MARCOL: variants seen among roughly 807,000 people sequenced by gnomAD.
The protein encoded by MARCOL is MARCO like, also known as MARCO-like protein.
chr5:148,242,404 T>C lies in MARCOL; in HGVS notation c.50-42T>C, dbSNP rs142624291. 1,115 of 397,470 alleles carry C rather than the reference T, an allele frequency of 2.8e-3. 17 individuals carry two copies. The highest frequency in any genetic ancestry group is 0.021 in the African/African-American group (1,021 of 48,698). The allele number at this position is 397,470 out of a possible 1,614,324, so 24.6% of individuals were successfully genotyped here. ...TTGATTTAAAATTATTTAATGTATA[T>C]AACTTTATTTTCATTTTTTTCTGGT... is the stretch of plus-strand genomic sequence containing the variant. On this transcript the variant is annotated intron_variant, in intron 1 of 1. Transcript: ENST00000638089.
chr5:148,241,707 T>G (rs1175322183), intron 1 of MARCOL, among the ~76,000 whole-genome samples: 1 of 152,054 alleles, frequency 6.6e-6, no homozygotes, highest in Admixed American at 6.6e-5. Context: ...AGGGCATAGG[T>G]GGGCTTCCAA....
chr5:148,241,733 C>T (rs1755968250), intron 1 of MARCOL, among the ~76,000 whole-genome samples: 1 of 151,940 alleles, frequency 6.6e-6, no homozygotes, highest in African/African-American at 2.4e-5. Context: ...GTTGGAGAAG[C>T]TATAAAACAC....
chr5:148,243,277 T>A lies in MARCOL; in HGVS notation c.*23T>A, dbSNP rs1431369974. On this transcript the variant is annotated 3_prime_UTR_variant, in exon 2 of 2. Coordinates refer to ENST00000638089, the MANE Select transcript of MARCOL (RefSeq NM_001363511.2). Reference sequence around the variant, plus strand: ...TGATTATCTAGCCAGCAAGGGAATATAGGATCTCCTAGCCAACAGGAGAAG... The same window carrying A: ...TGATTATCTAGCCAGCAAGGGAATAAAGGATCTCCTAGCCAACAGGAGAAG... The A allele has an allele frequency of 5.0e-6, 2 of 398,244 alleles. No individual in the cohort carries two copies. The highest frequency in any genetic ancestry group is 4.4e-5 in the Admixed American group (1 of 22,664). 24.7% of individuals were successfully genotyped at this position (398,244 alleles called of 1,614,324 possible).
intron 1 of MARCOL, among the ~76,000 whole-genome samples, chr5:148,240,300 G>GAGAA (rs1755949866): frequency 6.6e-6 from 1 of 151,818 alleles, no homozygotes; most frequent in South Asian, 2.1e-4. Context: ...TCATTATATT[G>GAGAA]ATTGTCCTTG....
chr5:148,241,601 T>G (rs1755966975), intron 1 of MARCOL, among the ~76,000 whole-genome samples: 1 of 151,814 alleles, frequency 6.6e-6, no homozygotes, highest in Non-Finnish European at 1.5e-5. Flanking sequence ...TGATTCCATT[T>G]GCTTATTTAT....
intron 1 of MARCOL, among the ~76,000 whole-genome samples, chr5:148,239,826 A>G (rs1452095324): frequency 6.6e-6 from 1 of 151,884 alleles, no homozygotes; most frequent in African/African-American, 2.4e-5. Context: ...TAAGTGCTAG[A>G]AGGTATTTTG....
At chr5:148,240,159 G>A (rs1028830953) in intron 1 of MARCOL, among the ~76,000 whole-genome samples, 36 of 151,674 alleles carry the variant, frequency 2.4e-4, no homozygotes, top group African/African-American at 8.7e-4. Flanking sequence ...GCAAAAGAGG[G>A]AAATAAACTA....
intron 1 of MARCOL, 90 bp from the exon 2 acceptor site, chr5:148,242,356 T>C (rs1340379743): frequency 7.6e-6 from 3 of 395,182 alleles, no homozygotes; most frequent in Non-Finnish European, 1.3e-5. Flanking sequence ...ATTAAAAACA[T>C]ACTATATCTT....
Position 148,243,347 on chromosome 5 carries a change from T to TCAAGGGAAGCCAGTGTCATCTAGCCAA in MARCOL, c.*134_*160dup. 5.1e-6 allele frequency: 2 copies of TCAAGGGAAGCCAGTGTCATCTAGCCAA among 388,430 alleles called. No homozygotes were observed. Among genetic ancestry groups the TCAAGGGAAGCCAGTGTCATCTAGCCAA allele is most frequent in the Middle Eastern group, 6.7e-4 (1 of 1,498 alleles). 24.1% of individuals were successfully genotyped at this position (388,430 alleles called of 1,614,324 possible). ...AAGGGAATCTAGGGTCATCTAGCTATCAAGGGAAGCCAGTGTCATCTAGCC... is the reference window on the plus strand; with the variant it reads ...AAGGGAATCTAGGGTCATCTAGCTATCAAGGGAAGCCAGTGTCATCTAGCCAACAAGGGAAGCCAGTGTCATCTAGCC... On this transcript the variant is annotated 3_prime_UTR_variant, in exon 2 of 2. Transcript: ENST00000638089.
Position 148,242,547 on chromosome 5 carries a change from G to T in MARCOL, c.151G>T (p.Gly51Ter). Residue 51 changes from glycine to a stop codon, truncating the protein, a stop_gained, in exon 2 of 2, where the codon GGA (glycine) becomes TGA (stop). Transcript: ENST00000638089. LOFTEE classifies it low-confidence loss of function (END_TRUNC). ...EEKNEANHLG[G>*]QRDSNKQGGS... ...AAAAAATGAAGCTAACCATCTAGGA[G>T]GACAAAGAGATTCTAATAAGCAAGG... The T allele has an allele frequency of 2.5e-6, 1 of 398,254 alleles. No homozygotes were observed. Among genetic ancestry groups the T allele is most frequent in the Non-Finnish European group, 4.4e-6 (1 of 225,894 alleles). The allele number at this position is 398,254 out of a possible 1,614,324, so 24.7% of individuals were successfully genotyped here. A position where few individuals can be genotyped will look rare whatever the true frequency, so the allele number is the denominator to read the frequency against.
chr5:148,243,347 TCAAGGGAAGCCAGTGTCATCTAGCCAA>T lies in MARCOL; in HGVS notation c.*134_*160del, dbSNP rs1755990412. 3.3e-5 allele frequency: 13 copies of T among 388,430 alleles called. No homozygotes were observed. The highest frequency in any genetic ancestry group is 2.7e-4 in the South Asian group (2 of 7,494). The allele number at this position is 388,430 out of a possible 1,614,324, so 24.1% of individuals were successfully genotyped here. ...AAGGGAATCTAGGGTCATCTAGCTA[TCAAGGGAAGCCAGTGTCATCTAGCCAA>T]CAAGGGAAGCCAGTGTCATCTAGCC... On this transcript the variant is annotated 3_prime_UTR_variant, in exon 2 of 2. Transcript: ENST00000638089.
intron 1 of MARCOL, among the ~76,000 whole-genome samples, chr5:148,242,174 A>G (rs942938999): frequency 6.6e-6 from 1 of 152,188 alleles, no homozygotes; most frequent in African/African-American, 2.4e-5. Flanking sequence ...TGAAGTCTCA[A>G]TTCAAATAAT....
chr5:148,240,736 T>G (rs2113340122), intron 1 of MARCOL, among the ~76,000 whole-genome samples: 1 of 152,056 alleles, frequency 6.6e-6, no homozygotes, highest in African/African-American at 2.4e-5. Context: ...GAGCAATGTT[T>G]TATTCCTAGA....
chr5:148,240,307 C>T (rs540596020), intron 1 of MARCOL, among the ~76,000 whole-genome samples: 1 of 151,858 alleles, frequency 6.6e-6, no homozygotes, highest in Admixed American at 6.6e-5. Flanking sequence ...ATTGATTGTC[C>T]TTGGAGAAAA....
intron 1 of MARCOL, among the ~76,000 whole-genome samples, chr5:148,241,386 A>T (rs1303267123): frequency 2.0e-5 from 1 of 50,500 alleles, no homozygotes; most frequent in African/African-American, 3.1e-5. Flanking sequence ...TATTGAAAAA[A>T]ATACCAAAAA....
At chr5:148,239,439 C>T (rs1471362495) in intron 1 of MARCOL, among the ~76,000 whole-genome samples, 1 of 151,868 alleles carries the variant, frequency 6.6e-6, no homozygotes, top group Admixed American at 6.6e-5. Context: ...GCCTCAGACC[C>T]CCCACTTCTT....
At chr5:148,240,307 C>A (rs540596020) in intron 1 of MARCOL, among the ~76,000 whole-genome samples, 1 of 151,740 alleles carries the variant, frequency 6.6e-6, no homozygotes, top group South Asian at 2.1e-4. Context: ...ATTGATTGTC[C>A]TTGGAGAAAA....
chr5:148,239,681 A>T (rs1755943394), intron 1 of MARCOL, among the ~76,000 whole-genome samples: 1 of 151,882 alleles, frequency 6.6e-6, no homozygotes, highest in South Asian at 2.1e-4. Flanking sequence ...GAATTAGAGA[A>T]AGGAGAACAA....
chr5:148,238,644 C>T lies in MARCOL; in HGVS notation c.47C>T (p.Ser16Leu). Residue 16 changes from serine to leucine, a missense_variant and splice_region_variant, in exon 1 of 2, where the codon TCA becomes TTA. Ser to Leu is a moderately radical substitution (Grantham distance 145). Transcript: ENST00000638089. ...FFLFMLLAMF[S>L]ASSTQISNTS... ...CTCTTCATGCTCCTGGCCATGTTCT[C>T]AGGTAAGAAAGTCACAGTCAATAGC... 2.5e-6 allele frequency: 1 copy of T among 398,164 alleles called. No homozygotes were observed. Among genetic ancestry groups the T allele is most frequent in the Non-Finnish European group, 4.4e-6 (1 of 225,422 alleles). 24.7% of individuals were successfully genotyped at this position (398,164 alleles called of 1,614,324 possible). A position where few individuals can be genotyped will look rare whatever the true frequency, so the allele number is the denominator to read the frequency against.
Sources: allele counts gnomAD v4.1 joint callset (sites outside exome capture counted in the v4.1 genomes callset), GRCh38; gene constraint gnomAD v4.1.1; transcripts MANE v1.5; gene names NCBI Gene and HGNC (gene_info 2026-07-23, HGNC 2026-07-21).